The following ROBO1 variants were observed in gnomAD, a reference collection of about 807,000 sequenced individuals.
ROBO1 encodes roundabout guidance receptor 1.
Under a neutral mutation model 195.9 loss-of-function variants are expected in ROBO1, and 149 were observed. The observed-to-expected ratio is 0.76, with a 90% CI of 0.67 to 0.87. The LOEUF (loss-of-function observed/expected upper bound fraction) is 0.87. Ranked by LOEUF, ROBO1 falls within the 40% of genes least tolerant of loss-of-function variation. The pLI, the probability that ROBO1 is intolerant of heterozygous loss-of-function variation, is 0.00. For missense variants in ROBO1, 1,933 were observed against 2,068.3 expected (o/e 0.93, Z 1.27); for synonymous variants, 816 against 733.2 (o/e 1.11, Z -1.82).
intron 2 of ROBO1, among the ~76,000 whole-genome samples, chr3:79,458,112 T>C (rs2039681092): frequency 6.6e-6 from 1 of 152,114 alleles, no homozygotes; most frequent in Admixed American, 6.6e-5. Flanking sequence ...TTATTTCTCA[T>C]TTTAAATAGC....
chr3:79,497,953 A>T (rs1939837299), intron 2 of ROBO1, among the ~76,000 whole-genome samples: 1 of 152,206 alleles, frequency 6.6e-6, no homozygotes, highest in Non-Finnish European at 1.5e-5. Flanking sequence ...CAAGAATAGT[A>T]GAAATAATAA....
intron 4 of ROBO1, among the ~76,000 whole-genome samples, chr3:78,837,285 T>G (rs1248853221): frequency 1.3e-5 from 2 of 152,118 alleles, no homozygotes; most frequent in Non-Finnish European, 2.9e-5. Flanking sequence ...TTTATTGAGT[T>G]AATAGACAAA....
rs902411386 is a variant in ROBO1 at position 79,188,929 on chromosome 3, C to T, written c.89-63390G>A. 2.6e-5 allele frequency among the ~76,000 whole-genome samples: 4 copies of T among 151,720 alleles called. No homozygotes were observed. In the Admixed American group the frequency reaches 2.6e-4, roughly 10 times the overall value. ...GGCAGATCTCTCATGAATGAGACTA[C>T]TGCCTTTATAAAAGAGGACCAAGGG... On this transcript the variant is annotated intron_variant, in intron 2 of 30. Coordinates refer to ENST00000464233, the MANE Select transcript of ROBO1 (RefSeq NM_002941.4).
chr3:79,368,417 T>C (rs541701847), intron 2 of ROBO1, among the ~76,000 whole-genome samples: 9 of 152,140 alleles, frequency 5.9e-5, no homozygotes, highest in Non-Finnish European at 8.8e-5. Flanking sequence ...ATCTGCGCAT[T>C]AAAAGAGAGT....
At chr3:78,994,938 T>A (rs1287167633) in intron 3 of ROBO1, among the ~76,000 whole-genome samples, 1 of 152,134 alleles carries the variant, frequency 6.6e-6, no homozygotes, top group African/African-American at 2.4e-5. Flanking sequence ...TGTTTATACA[T>A]ACCTCACAGA....
At chr3:79,356,819 G>T (rs1396951229) in intron 2 of ROBO1, among the ~76,000 whole-genome samples, 3 of 152,124 alleles carry the variant, frequency 2.0e-5, no homozygotes, top group Admixed American at 1.3e-4. Flanking sequence ...GGCATTCAGG[G>T]CAGGTTCATC....
intron 10 of ROBO1, among the ~76,000 whole-genome samples, chr3:78,673,577 T>C (rs1430170359): frequency 1.0e-4 from 5 of 48,002 alleles, no homozygotes; most frequent in African/African-American, 3.7e-4. Context: ...TATATATATA[T>C]ATATATATAT....
At chr3:79,507,567 C>T (rs1940469288) in intron 2 of ROBO1, among the ~76,000 whole-genome samples, 1 of 152,024 alleles carries the variant, frequency 6.6e-6, no homozygotes, top group Non-Finnish European at 1.5e-5. Flanking sequence ...ATGCACTTTG[C>T]CATTTTATTG....
chr3:78,733,120 A>C (rs181647341), intron 5 of ROBO1, among the ~76,000 whole-genome samples: 1 of 152,286 alleles, frequency 6.6e-6, no homozygotes, highest in Admixed American at 6.5e-5. Context: ...GATTGAGGAG[A>C]TATTAGCCTC....
chr3:79,193,237 A>C (rs965253953), intron 2 of ROBO1, among the ~76,000 whole-genome samples: 1 of 151,694 alleles, frequency 6.6e-6, no homozygotes, highest in African/African-American at 2.4e-5. Flanking sequence ...TGAAGTTCAG[A>C]TGAGAGTCTT....
chr3:78,639,829 G>A lies in ROBO1; in HGVS notation c.2952C>T (p.Gly984=), dbSNP rs1705823162. 1 of 1,613,308 alleles carries A rather than the reference G, an allele frequency of 6.2e-7. No homozygotes were observed. Among genetic ancestry groups the A allele is most frequent in the Non-Finnish European group, 8.5e-7 (1 of 1,179,586 alleles). Residue 984 remains glycine, a synonymous_variant, in exon 22 of 31, where the codon GGC becomes GGT. Coordinates refer to ENST00000464233, the MANE Select transcript of ROBO1 (RefSeq NM_002941.4). ...TGATGGAGCAGTCATTGTGGTTGTT[G>A]CCAGTATTAGGCCACGTGTCTGCCA... ...PWLADTWPNT[G]NNHNDCSISC...
At chr3:78,854,244 C>CAT in intron 4 of ROBO1, among the ~76,000 whole-genome samples, 1 of 147,868 alleles carries the variant, frequency 6.8e-6, no homozygotes, top group East Asian at 2.0e-4. Context: ...TGAATACATA[C>CAT]ATATATATAA....
chr3:78,884,845 T>C (rs2036444489), intron 4 of ROBO1, among the ~76,000 whole-genome samples: 2 of 120,634 alleles, frequency 1.7e-5, no homozygotes, highest in Non-Finnish European at 3.6e-5. Flanking sequence ...AAATAGACTC[T>C]CTCTCTCTCT....
intron 3 of ROBO1, among the ~76,000 whole-genome samples, chr3:78,974,162 T>G (rs2076835438): frequency 6.6e-6 from 1 of 152,292 alleles, no homozygotes; most frequent in South Asian, 2.1e-4. Context: ...TCCTGTATTA[T>G]ATTTGCATCA....
chr3:79,316,660 G>T (rs1202554237), intron 2 of ROBO1, among the ~76,000 whole-genome samples: 1 of 152,084 alleles, frequency 6.6e-6, no homozygotes, highest in East Asian at 1.9e-4. Flanking sequence ...TTGTCCGGAA[G>T]GTGGGGAGAG....
chr3:79,241,805 T>C (rs2082524154), intron 2 of ROBO1, among the ~76,000 whole-genome samples: 1 of 151,600 alleles, frequency 6.6e-6, no homozygotes, highest in Admixed American at 6.6e-5. Context: ...TGTTATGGGG[T>C]TATTTAAAAG....
intron 1 of ROBO1, among the ~76,000 whole-genome samples, chr3:79,626,976 C>G (rs1202530217): frequency 6.6e-6 from 1 of 152,080 alleles, no homozygotes; most frequent in Non-Finnish European, 1.5e-5. Flanking sequence ...AGGATAACTA[C>G]AAACCACTCC....
At chr3:78,987,970 T>C (rs893455399) in intron 3 of ROBO1, among the ~76,000 whole-genome samples, 5 of 152,110 alleles carry the variant, frequency 3.3e-5, no homozygotes, top group Non-Finnish European at 5.9e-5. Context: ...ATATAAATAA[T>C]AAATAATTGA....
chr3:79,276,941 G>A (rs939985873), intron 2 of ROBO1, among the ~76,000 whole-genome samples: 4 of 152,112 alleles, frequency 2.6e-5, no homozygotes, highest in Admixed American at 2.0e-4. Context: ...CAGTTAAAAT[G>A]GCTTTTATCC....
Sources: allele counts gnomAD v4.1 joint callset (sites outside exome capture counted in the v4.1 genomes callset), GRCh38; gene constraint gnomAD v4.1.1; transcripts MANE v1.5; gene names NCBI Gene and HGNC (gene_info 2026-07-23, HGNC 2026-07-21).